Variants in PELI2 observed in about 807,000 individuals in gnomAD.
PELI2 encodes E3 ubiquitin-protein ligase pellino homolog 2.
In PELI2, 23 loss-of-function variants were observed where a neutral mutation model predicts 42.3. That is an observed-to-expected ratio of 0.54 (90% CI 0.39 to 0.77). The LOEUF is 0.77. PELI2 is among the 30% of genes least tolerant of loss of function. The pLI is 0.00. For synonymous variants in PELI2, 245 were observed against 212.2 expected, an observed-to-expected ratio of 1.15 and a Z score of -1.34; for missense variants, 463 against 553.2, an observed-to-expected ratio of 0.84 and a Z score of 1.64.
chr14:56,235,371 A>G (rs1181267375), intron 2 of PELI2, among the ~76,000 whole-genome samples: 2 of 152,280 alleles, frequency 1.3e-5, no homozygotes, highest in East Asian at 1.9e-4. Flanking sequence ...TTGAAAATGC[A>G]CATTGTACTT....
At chr14:56,131,913 T>C (rs940075845) in intron 1 of PELI2, among the ~76,000 whole-genome samples, 1 of 152,192 alleles carries the variant, frequency 6.6e-6, no homozygotes, top group African/African-American at 2.4e-5. Flanking sequence ...AAACTGCTCT[T>C]TAATCGTGCC....
At chr14:56,187,247 A>G (rs1885799419) in intron 2 of PELI2, among the ~76,000 whole-genome samples, 1 of 152,198 alleles carries the variant, frequency 6.6e-6, no homozygotes, top group Admixed American at 6.5e-5. Flanking sequence ...AAATTTATTC[A>G]TCTCCAAACT....
intron 2 of PELI2, among the ~76,000 whole-genome samples, chr14:56,244,037 G>A (rs1469904640): frequency 1.3e-5 from 2 of 152,174 alleles, no homozygotes; most frequent in Non-Finnish European, 2.9e-5. Flanking sequence ...TTCAGACAGA[G>A]TACAGTGGCC....
chr14:56,203,122 G>T (rs886519468), intron 2 of PELI2, among the ~76,000 whole-genome samples: 2 of 152,116 alleles, frequency 1.3e-5, no homozygotes, highest in African/African-American at 4.8e-5. Flanking sequence ...GAAAATTGCC[G>T]AAAGATCTAG....
At chr14:56,213,632 G>T (rs929185894) in intron 2 of PELI2, among the ~76,000 whole-genome samples, 2 of 152,174 alleles carry the variant, frequency 1.3e-5, no homozygotes, top group African/African-American at 4.8e-5. Flanking sequence ...TTAGGATGGA[G>T]GAAGCAAAAA....
intron 3 of PELI2, among the ~76,000 whole-genome samples, chr14:56,286,001 A>G (rs901821128): frequency 6.6e-6 from 1 of 152,182 alleles, no homozygotes. Context: ...CATTGCGGAA[A>G]CATCCAAGCA....
intron 2 of PELI2, among the ~76,000 whole-genome samples, chr14:56,226,075 G>GA (rs34366845): frequency 0.4 from 59,542 of 149,198 alleles, 12,483 homozygotes; most frequent in South Asian, 0.53. Context: ...TACCAAACAG[G>GA]AAAAAAAAAA....
At chr14:56,142,289 C>T (rs1056794470) in intron 1 of PELI2, among the ~76,000 whole-genome samples, 1 of 152,232 alleles carries the variant, frequency 6.6e-6, no homozygotes, top group Non-Finnish European at 1.5e-5. Context: ...CTCCTACCCA[C>T]TGCACTGTCT....
intron 2 of PELI2, among the ~76,000 whole-genome samples, chr14:56,211,408 C>T (rs1008930001): frequency 1.3e-5 from 2 of 152,234 alleles, no homozygotes; most frequent in Admixed American, 1.3e-4. Context: ...ACCCCCTCTA[C>T]TCCCACTCCC....
intron 2 of PELI2, among the ~76,000 whole-genome samples, chr14:56,224,224 T>C (rs1887259051): frequency 6.6e-6 from 1 of 152,244 alleles, no homozygotes; most frequent in Admixed American, 6.5e-5. Context: ...TCTTCAGTTA[T>C]AGGAATACTT....
At chr14:56,132,806 A>C (rs1355963064) in intron 1 of PELI2, among the ~76,000 whole-genome samples, 1 of 152,142 alleles carries the variant, frequency 6.6e-6, no homozygotes, top group Non-Finnish European at 1.5e-5. Flanking sequence ...TTTGCTTGTG[A>C]AATTAATTCA....
chr14:56,155,348 C>A (rs542692885), intron 1 of PELI2, among the ~76,000 whole-genome samples: 4 of 151,500 alleles, frequency 2.6e-5, no homozygotes, highest in African/African-American at 9.7e-5. Context: ...CTGTTCAGAT[C>A]GATCTTTTGA....
At chr14:56,155,034 CTA>C (rs1464678174) in intron 1 of PELI2, among the ~76,000 whole-genome samples, 7 of 152,060 alleles carry the variant, frequency 4.6e-5, no homozygotes, top group African/African-American at 1.7e-4. Context: ...TGTGGATTGT[CTA>C]TTCATGTTCT....
chr14:56,166,569 T>TGA (rs781441147), intron 1 of PELI2, among the ~76,000 whole-genome samples: 1 of 152,216 alleles, frequency 6.6e-6, no homozygotes, highest in Non-Finnish European at 1.5e-5. Context: ...ATTGATGAAA[T>TGA]TTCTCAGCTT....
intron 1 of PELI2, among the ~76,000 whole-genome samples, chr14:56,169,073 C>G (rs1201697356): frequency 6.6e-6 from 1 of 152,172 alleles, no homozygotes; most frequent in Non-Finnish European, 1.5e-5. Context: ...CCTCCCCACT[C>G]TACCGTCTCC....
intron 2 of PELI2, among the ~76,000 whole-genome samples, chr14:56,213,938 G>A (rs1262288380): frequency 6.6e-6 from 1 of 151,878 alleles, no homozygotes; most frequent in Non-Finnish European, 1.5e-5. Context: ...TGCAACCTCC[G>A]CCTCCCAGGT....
intron 2 of PELI2, among the ~76,000 whole-genome samples, chr14:56,279,180 T>A (rs1231307657): frequency 6.6e-6 from 1 of 152,200 alleles, no homozygotes; most frequent in Non-Finnish European, 1.5e-5. Flanking sequence ...TATCATTGGC[T>A]AGGACGGTGT....
At chr14:56,150,878 C>T (rs1010915319) in intron 1 of PELI2, among the ~76,000 whole-genome samples, 4 of 152,180 alleles carry the variant, frequency 2.6e-5, no homozygotes, top group Non-Finnish European at 5.9e-5. Flanking sequence ...TTCTTGGCAG[C>T]ATGGAGTGGC....
chr14:56,176,147 C>T (rs142474600), intron 1 of PELI2, among the ~76,000 whole-genome samples: 4 of 152,320 alleles, frequency 2.6e-5, no homozygotes, highest in Non-Finnish European at 4.4e-5. Context: ...TTCATTCAAA[C>T]GTGGTGCTGG....
Sources: allele counts gnomAD v4.1 joint callset (sites outside exome capture counted in the v4.1 genomes callset), GRCh38; gene constraint gnomAD v4.1.1; transcripts MANE v1.5; gene names NCBI Gene and HGNC (gene_info 2026-07-23, HGNC 2026-07-21).